The following ZMAT1 variants were observed in gnomAD, a reference collection of about 807,000 sequenced individuals.
ZMAT1 encodes zinc finger matrin-type protein 1.
A neutral mutation model predicts 18.5 loss-of-function variants in ZMAT1; 11 were observed. The observed-to-expected ratio is 0.59, with a 90% CI of 0.37 to 0.98. The LOEUF (loss-of-function observed/expected upper bound fraction) is 0.98, where lower values mean the gene tolerates loss of function less well. ZMAT1 is among the 50% of genes least tolerant of loss of function. The pLI is 0.01. For synonymous variants in ZMAT1, 211 were observed against 176.4 expected (o/e 1.20, Z -1.55); for missense variants, 525 against 496.2 (o/e 1.06, Z -0.55).
chrX:101,911,583 T>C, intron 1 of ZMAT1: 1 of 1,158,526 alleles, frequency 8.6e-7, no homozygotes, highest in African/African-American at 1.8e-5. Context: ...ATGAATGCAA[T>C]GACTGTAGCA....
At position 101,921,776 on chromosome X, in the gene ZMAT1, C is replaced by T. The variant is rs1271772704; in HGVS notation, c.292+9941G>A. ...GTAAAATCCATGTAAAATTTACTAT[C>T]TCAACCATTTTAAGTGTACAGCTCA... On this transcript the variant is annotated intron_variant, in intron 1 of 5. Transcript: ENST00000651725. Among the ~76,000 whole-genome samples the T allele has an allele frequency of 4.5e-5, 5 of 111,250 alleles. No individual in the cohort carries two copies. The Admixed American group carries it at 4.8e-4, about 11-fold the overall frequency.
rs1603281687 is a variant in ZMAT1, at chrX:101,913,116, T to C, written c.293-8786A>G. On this transcript the variant is annotated intron_variant, in intron 1 of 5. Coordinates refer to ENST00000651725, the MANE Select transcript of ZMAT1 (RefSeq NM_001394560.1). ...GTGTTAAGTTGTTAGCAGTTTAAAA[T>C]AATGAGTTGTAAGTTATAAGAAGGT... is the stretch of plus-strand genomic sequence containing the variant. 2.7e-5 allele frequency among the ~76,000 whole-genome samples: 3 copies of C among 111,904 alleles called. 1 individual carries two copies. The Admixed American group carries it at 2.9e-4, about 11-fold the overall frequency.
intron 1 of ZMAT1, among the ~76,000 whole-genome samples, chrX:101,922,681 T>C: frequency 9.0e-6 from 1 of 111,393 alleles, no homozygotes; most frequent in Non-Finnish European, 1.9e-5. Context: ...GCAAGGCTAA[T>C]CTTAAAAAGA....
At chrX:101,902,614 C>T (rs1950015647) in intron 2 of ZMAT1, among the ~76,000 whole-genome samples, 1 of 111,330 alleles carries the variant, frequency 9.0e-6, no homozygotes, top group African/African-American at 3.3e-5. Context: ...TAAGGGTGGA[C>T]TATACAATAA....
chrX:101,894,077 A>G (rs1313616302), intron 4 of ZMAT1, among the ~76,000 whole-genome samples: 3 of 111,795 alleles, frequency 2.7e-5, no homozygotes, highest in African/African-American at 9.7e-5. Context: ...CTAGTGGTTA[A>G]ATTGGGGGTG....
At chrX:101,914,054 C>A (rs1358249497) in intron 1 of ZMAT1, among the ~76,000 whole-genome samples, 1 of 111,067 alleles carries the variant, frequency 9.0e-6, no homozygotes, top group African/African-American at 3.3e-5. Context: ...GAAAACTATA[C>A]AAATACATGG....
At chrX:101,902,552 T>C (rs1275562301) in intron 2 of ZMAT1, among the ~76,000 whole-genome samples, 1 of 111,190 alleles carries the variant, frequency 9.0e-6, no homozygotes, top group East Asian at 2.8e-4. Flanking sequence ...AACAAACCAA[T>C]ATATATGTGG....
At position 101,883,643 on chromosome X, in the gene ZMAT1, T is replaced by G; in HGVS notation, c.1955A>C (p.His652Pro). 8.3e-7 allele frequency: 1 copy of G among 1,210,154 alleles called. No homozygotes were observed. Among genetic ancestry groups the G allele is most frequent in the African/African-American group, 1.7e-5 (1 of 57,629 alleles). ...RVKVSSGKLKHRKKKKSHDVP... is the reference protein window; with the variant it reads ...RVKVSSGKLKPRKKKKSHDVP... ...ATCATGGCTTTTTTTCTTTTTTCGATGCTTAAGCTTTCCTGAACTGACCTT... is the reference window on the plus strand; with the variant it reads ...ATCATGGCTTTTTTTCTTTTTTCGAGGCTTAAGCTTTCCTGAACTGACCTT... The change falls in exon 6 of 6, where the codon CAT (histidine) becomes CCT (proline). Residue 652 changes from histidine (H) to proline (P), a missense_variant. Physicochemically the swap from His to Pro is moderately conservative, Grantham distance 77. Coordinates refer to ENST00000651725, the MANE Select transcript of ZMAT1 (RefSeq NM_001394560.1).
At position 101,884,743 on chromosome X, in the gene ZMAT1, GAT is replaced by G; in HGVS notation, c.853_854del (p.Ile285GlnfsTer26). On this transcript the variant is annotated frameshift_variant, in exon 6 of 6. Coordinates refer to ENST00000651725, the MANE Select transcript of ZMAT1 (RefSeq NM_001394560.1). LOFTEE classifies it low-confidence loss of function (END_TRUNC). ...DSYQNECADY[I>X]NVQKARGLEA... ...CTAGTCCTCTGGCTTTCTGCACATT[GAT>G]GTAATCTGCACACTCATTTTGGTAA... is the stretch of plus-strand genomic sequence containing the variant. 8.3e-7 allele frequency: 1 copy of G among 1,209,306 alleles called. No homozygotes were observed. The highest frequency in any genetic ancestry group is 1.1e-6 in the Non-Finnish European group (1 of 893,685).
intron 1 of ZMAT1, chrX:101,918,380 T>C (rs1929480783): frequency 1.8e-5 from 2 of 108,783 alleles, no homozygotes; most frequent in African/African-American, 6.7e-5. Context: ...CCAAGGTGGG[T>C]GGATCACGAG....
chrX:101,925,092 C>G (rs1602352360), intron 1 of ZMAT1, among the ~76,000 whole-genome samples: 1 of 111,958 alleles, frequency 8.9e-6, no homozygotes, highest in Middle Eastern at 4.6e-3. Context: ...AGGACAGCTG[C>G]CCTGCAGAGT....
intron 4 of ZMAT1, chrX:101,887,412 G>A (rs1301775460): frequency 4.9e-6 from 1 of 205,665 alleles, no homozygotes; most frequent in African/African-American, 3.1e-5. Context: ...TTAGAAGCAA[G>A]GGATACATTA....
intron 4 of ZMAT1, among the ~76,000 whole-genome samples, chrX:101,897,133 G>GT (rs1340477148): frequency 1.8e-5 from 2 of 109,638 alleles, no homozygotes; most frequent in Non-Finnish European, 3.8e-5. Flanking sequence ...AGGGGAAGAA[G>GT]TAAAAAGTGA....
intron 1 of ZMAT1, among the ~76,000 whole-genome samples, chrX:101,907,671 A>C (rs2147636818): frequency 8.9e-6 from 1 of 112,383 alleles, no homozygotes; most frequent in East Asian, 2.8e-4. Flanking sequence ...AATTTAATGA[A>C]ATCAAGAAAA....
At position 101,897,951 on chromosome X, in the gene ZMAT1, A is replaced by G; in HGVS notation, c.593T>C (p.Val198Ala). Residue 198 changes from valine (V) to alanine (A), a missense_variant, in exon 4 of 6, where the codon GTG becomes GCG. By Grantham distance (64) the Val-to-Ala change is moderately conservative (BLOSUM62 0). Transcript: ENST00000651725. The part of the protein sequence containing the change: ...SSPLIAQSHY[V>A]GKVHAKKLKQ... ...CAGTTTTTTAGCATGGACCTTTCCC[A>G]CATAGTGAGACTGAGCAATAAGTGG... The G allele has an allele frequency of 8.3e-7, 1 of 1,211,710 alleles. No individual in the cohort carries two copies. Among genetic ancestry groups the G allele is most frequent in the South Asian group, 1.8e-5 (1 of 56,982 alleles).
intron 1 of ZMAT1, among the ~76,000 whole-genome samples, chrX:101,927,490 A>T (rs1176000979): frequency 1.8e-5 from 2 of 112,313 alleles, no homozygotes; most frequent in Non-Finnish European, 3.8e-5. Context: ...CAAAGAAATA[A>T]TGAAGGGTTT....
rs201939211 is a variant in ZMAT1 at position 101,898,197 on chromosome X, A to G, written c.423T>C (p.Val141=). The change falls in exon 3 of 6, where the codon GTT becomes GTC. Residue 141 remains valine, a synonymous_variant. Transcript: ENST00000651725. The part of the protein sequence containing the change: ...HYEGEKHAQN[V]SFYFQMHGEQ... ...CCCCATGCATTTGAAAATAAAAACT[A>G]ACATTTTGAGCATGTTTTTCACCCT... 1.3e-5 allele frequency: 16 copies of G among 1,207,793 alleles called. No homozygotes were observed. Among genetic ancestry groups the G allele is most frequent in the African/African-American group, 1.7e-5 (1 of 57,212 alleles).
At chrX:101,913,312 A>G (rs1031318867) in intron 1 of ZMAT1, among the ~76,000 whole-genome samples, 1 of 111,566 alleles carries the variant, frequency 9.0e-6, no homozygotes, top group Admixed American at 9.5e-5. Flanking sequence ...AACAAAAATC[A>G]AAAGGGAAGA....
intron 5 of ZMAT1, among the ~76,000 whole-genome samples, chrX:101,885,302 T>C (rs1196333458): frequency 8.9e-6 from 1 of 112,033 alleles, no homozygotes; most frequent in Non-Finnish European, 1.9e-5. Flanking sequence ...AAGTTTTCAT[T>C]AGTTCCTTAT....
Sources: allele counts gnomAD v4.1 joint callset (sites outside exome capture counted in the v4.1 genomes callset), GRCh38; gene constraint gnomAD v4.1.1; transcripts MANE v1.5; gene names NCBI Gene and HGNC (gene_info 2026-07-23, HGNC 2026-07-21).